The following MRRF variants were observed in gnomAD, a reference collection of about 807,000 sequenced individuals.
MRRF encodes the protein ribosome-recycling factor, mitochondrial.
Under a neutral mutation model 25.1 loss-of-function variants are expected in MRRF, and 18 were observed. That is an observed-to-expected ratio of 0.72 (90% CI 0.50 to 1.06). The LOEUF is 1.06. Among genes scored for constraint, MRRF ranks in the 50% least tolerant of loss-of-function variants. The pLI is 0.00. For synonymous variants in MRRF, 113 were observed against 112.1 expected, an observed-to-expected ratio of 1.01 and a Z score of -0.05; for missense variants, 323 against 319.3, an observed-to-expected ratio of 1.01 and a Z score of -0.09.
chr9:122,300,716 TC>T (rs1564499430), intron 5 of MRRF, among the ~76,000 whole-genome samples: 1 of 152,220 alleles, frequency 6.6e-6, no homozygotes, highest in African/African-American at 2.4e-5. Context: ...GTTCTTTTTT[TC>T]CCCTATCTTT....
At chr9:122,293,109 ACAAG>A (rs1833879734) in intron 5 of MRRF, among the ~76,000 whole-genome samples, 1 of 152,112 alleles carries the variant, frequency 6.6e-6, no homozygotes. Flanking sequence ...ATGAAGAAAA[ACAAG>A]CAAAGTAAGG....
chr9:122,284,430 A>G (rs1017195087), intron 3 of MRRF, among the ~76,000 whole-genome samples: 4 of 152,174 alleles, frequency 2.6e-5, no homozygotes, highest in African/African-American at 9.7e-5. Flanking sequence ...ACTAAAAGGG[A>G]TAGTAAGAGG....
intron 5 of MRRF, among the ~76,000 whole-genome samples, chr9:122,300,541 A>G (rs1311326324): frequency 6.6e-6 from 1 of 152,122 alleles, no homozygotes; most frequent in Non-Finnish European, 1.5e-5. Context: ...AGTATTTGTT[A>G]TTATCTAATC....
chr9:122,311,964 C>T (rs1355903556), intron 5 of MRRF, among the ~76,000 whole-genome samples: 1 of 152,118 alleles, frequency 6.6e-6, no homozygotes, highest in Non-Finnish European at 1.5e-5. Flanking sequence ...GATTTTTGTT[C>T]AATGAATTAA....
At chr9:122,277,894 T>G (rs1214257417) in intron 2 of MRRF, among the ~76,000 whole-genome samples, 2 of 152,050 alleles carry the variant, frequency 1.3e-5, no homozygotes, top group Non-Finnish European at 2.9e-5. Context: ...CCTTTTTTCT[T>G]TTTTTTAAAT....
Position 122,291,752 on chromosome 9 carries a change from ACAGCT to A in MRRF, c.464_468del (p.Thr155SerfsTer76). ...TACCTTTTGATCTGGTTTTCAGTGTACAGCTGCAGCTATCAAGGCTATAAGAGAAA... is the reference window on the plus strand; with the variant it reads ...TACCTTTTGATCTGGTTTTCAGTGTAGCAGCTATCAAGGCTATAAGAGAAA... On this transcript the variant is annotated frameshift_variant, in exon 5 of 7. Coordinates refer to ENST00000344641, the MANE Select transcript of MRRF (RefSeq NM_138777.5). LOFTEE classifies it high-confidence loss of function. The A allele has an allele frequency of 6.2e-7, 1 of 1,610,026 alleles. No homozygotes were observed. Among genetic ancestry groups the A allele is most frequent in the Non-Finnish European group, 8.5e-7 (1 of 1,176,226 alleles).
chr9:122,307,985 T>C (rs1834962465), intron 5 of MRRF, among the ~76,000 whole-genome samples: 1 of 152,194 alleles, frequency 6.6e-6, no homozygotes. Context: ...GTCAGTGGGA[T>C]TCTCTGTTGT....
chr9:122,285,725 A>G, intron 4 of MRRF: 1 of 1,226,750 alleles, frequency 8.2e-7, no homozygotes, highest in Non-Finnish European at 1.0e-6. Flanking sequence ...ACAAATTTTT[A>G]TGTGACATCT....
chr9:122,296,576 G>A (rs1186171818), intron 5 of MRRF, among the ~76,000 whole-genome samples: 3 of 152,144 alleles, frequency 2.0e-5, no homozygotes, highest in Non-Finnish European at 4.4e-5. Context: ...GTTAGAATTG[G>A]GGTCTTTGTC....
intron 5 of MRRF, among the ~76,000 whole-genome samples, chr9:122,309,490 C>T (rs903266509): frequency 1.3e-5 from 2 of 152,098 alleles, no homozygotes; most frequent in Admixed American, 1.3e-4. Flanking sequence ...CTTCCACTAT[C>T]CCCCCAACTC....
Position 122,265,547 on chromosome 9 carries a change from T to C in MRRF, c.-29+609T>C, listed in dbSNP as rs1832012376. 4.8e-5 allele frequency: 17 copies of C among 352,518 alleles called. 1 individual carries two copies. The highest frequency in any genetic ancestry group is 3.7e-4 in the South Asian group (17 of 46,516). 21.8% of individuals were successfully genotyped at this position (352,518 alleles called of 1,614,324 possible). A position where few individuals can be genotyped will look rare whatever the true frequency, so the allele number is the denominator to read the frequency against. On this transcript the variant is annotated intron_variant, in intron 1 of 6. Transcript: ENST00000344641. ...ACCAAGACTCGGAGTTTTCTCTAAG[T>C]TTAGTGCCTTTATTTTGTTTTAAAC... is the stretch of plus-strand genomic sequence containing the variant.
chr9:122,323,312 C>G lies in MRRF; in HGVS notation c.*695C>G, dbSNP rs1835996924. Reference sequence around the variant, plus strand: ...ACCTAGGACCCTCATTACCGGCTCTCATAGCACAGTCTACTGCTTTGTACG... The same window carrying G: ...ACCTAGGACCCTCATTACCGGCTCTGATAGCACAGTCTACTGCTTTGTACG... On this transcript the variant is annotated 3_prime_UTR_variant, in exon 7 of 7. Transcript: ENST00000344641. 6.4e-6 allele frequency: 1 copy of G among 156,262 alleles called. No homozygotes were observed. Among genetic ancestry groups the G allele is most frequent in the Non-Finnish European group, 1.4e-5 (1 of 70,362 alleles). The allele number at this position is 156,262 out of a possible 1,614,324, so 9.7% of individuals were successfully genotyped here. A position where few individuals can be genotyped will look rare whatever the true frequency, so the allele number is the denominator to read the frequency against.
intron 5 of MRRF, among the ~76,000 whole-genome samples, chr9:122,310,287 T>C (rs1356775005): frequency 6.6e-6 from 1 of 152,206 alleles, no homozygotes; most frequent in Non-Finnish European, 1.5e-5. Context: ...CCTCATCAAC[T>C]GAAGTAGTCT....
Position 122,291,817 on chromosome 9 carries a change from G to C in MRRF, c.528G>C (p.Thr176=), listed in dbSNP as rs751736456. ...ATCTGAACCCAGAAGTGGAAGGGAC[G>C]CTAATTCGGGTACCCATTCCCCAGT... ...GMNLNPEVEG[T]LIRVPIPQVT... Residue 176 remains threonine, a synonymous_variant, in exon 5 of 7, where the codon ACG becomes ACC. Coordinates refer to ENST00000344641, the MANE Select transcript of MRRF (RefSeq NM_138777.5). 2 of 1,613,368 alleles carry C rather than the reference G, an allele frequency of 1.2e-6. No individual in the cohort carries two copies. Among genetic ancestry groups the C allele is most frequent in the South Asian group, 2.2e-5 (2 of 91,072 alleles).
intron 5 of MRRF, among the ~76,000 whole-genome samples, chr9:122,303,164 A>T (rs1192299938): frequency 1.3e-5 from 2 of 152,028 alleles, no homozygotes; most frequent in African/African-American, 2.4e-5. Context: ...AAAAATTCAG[A>T]TCCTACAGAA....
chr9:122,285,305 A>G lies in MRRF; in HGVS notation c.459+18A>G, dbSNP rs764140156. 2.8e-6 allele frequency: 4 copies of G among 1,442,910 alleles called. No homozygotes were observed. Among genetic ancestry groups the G allele is most frequent in the Admixed American group, 3.3e-5 (2 of 59,778 alleles). The allele number at this position is 1,442,910 out of a possible 1,614,324, so 89.4% of individuals were successfully genotyped here. On this transcript the variant is annotated intron_variant, in intron 4 of 6. Transcript: ENST00000344641. ...TCCCAGAGGTAAGATGGCCTTGCTAAAATCTCTCTCCGTGGTCTCTTTTGG... is the reference window on the plus strand; with the variant it reads ...TCCCAGAGGTAAGATGGCCTTGCTAGAATCTCTCTCCGTGGTCTCTTTTGG...
At chr9:122,315,926 A>C (rs969333382) in intron 6 of MRRF, among the ~76,000 whole-genome samples, 3 of 151,878 alleles carry the variant, frequency 2.0e-5, no homozygotes, top group Non-Finnish European at 4.4e-5. Context: ...ACTCATTAGC[A>C]CTGGCTTTTC....
At chr9:122,285,086 A>G (rs1416613221) in intron 3 of MRRF, 83 bp from the exon 4 acceptor site, 2 of 876,866 alleles carry the variant, frequency 2.3e-6, no homozygotes. Context: ...ACTGCATCCA[A>G]CCTGAATCTG....
At position 122,327,306 on chromosome 9, in the gene MRRF, C is replaced by T. The variant is rs1836170693; in HGVS notation, c.*4689C>T. 6.6e-6 allele frequency: 1 copy of T among 152,244 alleles called. No homozygotes were observed. Among genetic ancestry groups the T allele is most frequent in the Non-Finnish European group, 1.5e-5 (1 of 68,018 alleles). 9.4% of individuals were successfully genotyped at this position (152,244 alleles called of 1,614,324 possible). A position where few individuals can be genotyped will look rare whatever the true frequency, so the allele number is the denominator to read the frequency against. On this transcript the variant is annotated 3_prime_UTR_variant, in exon 7 of 7. Transcript: ENST00000344641. ...TTGACAGATCAGTAACTAATATTTG[C>T]TTGGTGCTTTTTAGTTTTCAAACTG... is the stretch of plus-strand genomic sequence containing the variant.
Sources: allele counts gnomAD v4.1 joint callset (sites outside exome capture counted in the v4.1 genomes callset), GRCh38; gene constraint gnomAD v4.1.1; transcripts MANE v1.5; gene names NCBI Gene and HGNC (gene_info 2026-07-23, HGNC 2026-07-21).